Variants in KCTD16 observed in about 807,000 individuals in gnomAD.
KCTD16 encodes the protein BTB/POZ domain-containing protein KCTD16.
Under a neutral mutation model 33.2 loss-of-function variants are expected in KCTD16, and 13 were observed. The observed-to-expected ratio is 0.39, with a 90% confidence interval of 0.25 to 0.62. KCTD16 has a LOEUF of 0.62. Ranked by LOEUF, KCTD16 falls within the 20% of genes least tolerant of loss-of-function variation. The pLI is 0.50. For missense variants in KCTD16, 441 were observed against 525.1 expected (o/e 0.84, Z 1.57); for synonymous variants, 197 against 195.3 (o/e 1.01, Z -0.07).
At chr5:144,176,870 T>G (rs1353049641) in intron 2 of KCTD16, among the ~76,000 whole-genome samples, 1 of 152,204 alleles carries the variant, frequency 6.6e-6, no homozygotes. Context: ...TGTTGTCCAT[T>G]TTTATGTGGT....
At chr5:144,256,879 A>G (rs954413348) in intron 3 of KCTD16, among the ~76,000 whole-genome samples, 3 of 152,170 alleles carry the variant, frequency 2.0e-5, no homozygotes, top group Non-Finnish European at 2.9e-5. Flanking sequence ...CAGATAAGGT[A>G]TGATCAACAT....
At chr5:144,212,996 A>G (rs1372324807) in intron 3 of KCTD16, among the ~76,000 whole-genome samples, 4 of 152,132 alleles carry the variant, frequency 2.6e-5, no homozygotes, top group African/African-American at 9.7e-5. Context: ...TTATCCACAA[A>G]TGCTATGGTA....
intron 3 of KCTD16, among the ~76,000 whole-genome samples, chr5:144,301,184 T>G (rs1312194704): frequency 7.1e-6 from 1 of 139,918 alleles, no homozygotes; most frequent in Non-Finnish European, 1.5e-5. Context: ...GAGGTTGCAG[T>G]GAGCTGAGAT....
intron 3 of KCTD16, among the ~76,000 whole-genome samples, chr5:144,323,122 A>G (rs536449972): frequency 2.6e-5 from 4 of 152,162 alleles, no homozygotes; most frequent in Non-Finnish European, 2.9e-5. Context: ...CTGCAAATGC[A>G]AACTAAGACT....
chr5:144,327,767 C>T (rs546137307), intron 3 of KCTD16, among the ~76,000 whole-genome samples: 3 of 152,146 alleles, frequency 2.0e-5, no homozygotes, highest in African/African-American at 2.4e-5. Flanking sequence ...TGCAGGCTTG[C>T]GTCATTTTTT....
At chr5:144,275,259 T>A (rs1755407698) in intron 3 of KCTD16, among the ~76,000 whole-genome samples, 1 of 152,126 alleles carries the variant, frequency 6.6e-6, no homozygotes, top group Admixed American at 6.5e-5. Context: ...ACCACACACC[T>A]ACAAAAACGA....
chr5:144,263,381 T>G (rs1226735577), intron 3 of KCTD16, among the ~76,000 whole-genome samples: 3 of 152,198 alleles, frequency 2.0e-5, no homozygotes. Context: ...TAAGTCTCAG[T>G]GTGGTGCTAA....
At chr5:144,334,775 T>G (rs1752441520) in intron 3 of KCTD16, among the ~76,000 whole-genome samples, 1 of 152,122 alleles carries the variant, frequency 6.6e-6, no homozygotes, top group Non-Finnish European at 1.5e-5. Context: ...TGCCTTTTTC[T>G]TTTTTGTTTG....
intron 3 of KCTD16, among the ~76,000 whole-genome samples, chr5:144,333,650 G>A (rs1219927873): frequency 2.0e-5 from 3 of 152,088 alleles, no homozygotes; most frequent in Non-Finnish European, 4.4e-5. Flanking sequence ...GATAATGAGG[G>A]ACAACTCAGC....
chr5:144,365,180 G>A (rs1751804783), intron 3 of KCTD16, among the ~76,000 whole-genome samples: 1 of 151,938 alleles, frequency 6.6e-6, no homozygotes, highest in African/African-American at 2.4e-5. Context: ...CTTTCTTGTT[G>A]TGAGATATTC....
chr5:144,471,711 G>A (rs1754480768), intron 3 of KCTD16, among the ~76,000 whole-genome samples: 1 of 152,176 alleles, frequency 6.6e-6, no homozygotes, highest in South Asian at 2.1e-4. Flanking sequence ...GGTATATGCT[G>A]AACAGTTTCT....
chr5:144,298,404 A>G (rs1399354096), intron 3 of KCTD16, among the ~76,000 whole-genome samples: 2 of 152,202 alleles, frequency 1.3e-5, no homozygotes, highest in African/African-American at 2.4e-5. Flanking sequence ...AGAATTGTTC[A>G]TAGCAGCTAT....
intron 3 of KCTD16, among the ~76,000 whole-genome samples, chr5:144,340,637 A>G (rs1752609034): frequency 2.0e-5 from 3 of 152,044 alleles, no homozygotes; most frequent in Non-Finnish European, 2.9e-5. Context: ...GGTTTAGACA[A>G]TGTTATAAGG....
At chr5:144,443,254 T>C (rs1753752408) in intron 3 of KCTD16, among the ~76,000 whole-genome samples, 1 of 152,140 alleles carries the variant, frequency 6.6e-6, no homozygotes, top group African/African-American at 2.4e-5. Context: ...GGGCACATAA[T>C]GGAGTAGGTC....
intron 3 of KCTD16, among the ~76,000 whole-genome samples, chr5:144,359,984 ACCCAGAATGTCTTC>A (rs1288813638): frequency 6.6e-6 from 1 of 152,052 alleles, no homozygotes; most frequent in African/African-American, 2.4e-5. Flanking sequence ...CCTGGTCCAT[ACCCAGAATGTCTTC>A]CCCAGTGATT....
At chr5:144,299,131 TATATATATATATATA>T (rs1461963553) in intron 3 of KCTD16, among the ~76,000 whole-genome samples, 19 of 30,266 alleles carry the variant, frequency 6.3e-4, no homozygotes, top group African/African-American at 3.1e-3. Context: ...TATATATATA[TATATATATATATATA>T]TATTTTTTTT....
intron 3 of KCTD16, among the ~76,000 whole-genome samples, chr5:144,295,670 G>A (rs1177158851): frequency 6.6e-6 from 1 of 152,152 alleles, no homozygotes; most frequent in Non-Finnish European, 1.5e-5. Flanking sequence ...ACCTTACATG[G>A]CAAAGGAAAC....
At chr5:144,296,501 G>A (rs1354410226) in intron 3 of KCTD16, among the ~76,000 whole-genome samples, 3 of 152,060 alleles carry the variant, frequency 2.0e-5, no homozygotes, top group Non-Finnish European at 4.4e-5. Context: ...GATTAGAAAA[G>A]TAAGAATGTT....
chr5:144,387,206 G>A (rs924167268), intron 3 of KCTD16, among the ~76,000 whole-genome samples: 1 of 134,530 alleles, frequency 7.4e-6, no homozygotes, highest in Non-Finnish European at 1.5e-5. Flanking sequence ...TTGAACTCCT[G>A]GGCTCAAGTG....
Sources: gnomAD v4.1 joint callset for allele counts (sites outside exome capture counted in the v4.1 genomes callset) on GRCh38, gnomAD v4.1.1 for gene constraint, MANE v1.5 for transcripts, NCBI Gene and HGNC (gene_info 2026-07-23, HGNC 2026-07-21) for gene names.